STT3B: variants seen among roughly 807,000 people sequenced by gnomAD.
STT3B encodes STT3 oligosaccharyltransferase complex catalytic subunit B.
STT3B carries 29 observed loss-of-function variants against 96.8 expected under a neutral mutation model. The observed-to-expected ratio is 0.30, with a 90% CI of 0.22 to 0.41. The LOEUF (loss-of-function observed/expected upper bound fraction) is 0.41. Among genes scored for constraint, STT3B ranks in the 10% least tolerant of loss-of-function variants. The pLI, the probability that STT3B is intolerant of heterozygous loss-of-function variation, is 1.00. For synonymous variants in STT3B, 367 were observed against 360.0 expected, an observed-to-expected ratio of 1.02 and a Z score of -0.22; for missense variants, 640 against 1,022.3, an observed-to-expected ratio of 0.63 and a Z score of 5.10.
intron 5 of STT3B, among the ~76,000 whole-genome samples, chr3:31,611,170 AC>A (rs1390003076): frequency 6.6e-6 from 1 of 152,174 alleles, no homozygotes; most frequent in Non-Finnish European, 1.5e-5. Flanking sequence ...ACACTAGAGA[AC>A]AGTACCAGAC....
chr3:31,563,030 G>T (rs138456646), intron 1 of STT3B, among the ~76,000 whole-genome samples: 12 of 152,168 alleles, frequency 7.9e-5, no homozygotes, highest in African/African-American at 2.9e-4. Flanking sequence ...ACCTTAGGGG[G>T]TCTCTCACCC....
At chr3:31,615,710 G>A (rs11919366) in intron 6 of STT3B, among the ~76,000 whole-genome samples, 13,562 of 151,794 alleles carry the variant, frequency 0.089, 653 homozygotes, top group South Asian at 0.12. Context: ...ATGTAATTAC[G>A]CAGTCACCTG....
Position 31,586,740 on chromosome 3 carries a change from A to G in STT3B, c.711+6644A>G, listed in dbSNP as rs1370181041. Among the ~76,000 whole-genome samples the G allele has an allele frequency of 4.6e-5, 7 of 152,138 alleles. No individual in the cohort carries two copies. In the East Asian group the frequency reaches 9.6e-4, roughly 21 times the overall value. ...CTCTTCTGTTTATCTGTGTCTGTCT[A>G]TATAACAATACCTTATGTTGTTTTC... On this transcript the variant is annotated intron_variant, in intron 3 of 15. Coordinates refer to ENST00000295770, the MANE Select transcript of STT3B (RefSeq NM_178862.3).
At chr3:31,602,709 A>G (rs1045385320) in intron 5 of STT3B, among the ~76,000 whole-genome samples, 2 of 143,550 alleles carry the variant, frequency 1.4e-5, no homozygotes, top group African/African-American at 5.2e-5. Context: ...TATGAAATTC[A>G]TACTACTTTG....
At chr3:31,561,321 A>G (rs1392228244) in intron 1 of STT3B, among the ~76,000 whole-genome samples, 1 of 151,730 alleles carries the variant, frequency 6.6e-6, no homozygotes, top group Non-Finnish European at 1.5e-5. Flanking sequence ...ATGTATATTT[A>G]TGGGATACGT....
At chr3:31,562,184 C>T (rs1022213772) in intron 1 of STT3B, among the ~76,000 whole-genome samples, 2 of 152,088 alleles carry the variant, frequency 1.3e-5, no homozygotes. Context: ...TTCTCGAGCC[C>T]CTGGGCAGCA....
At chr3:31,550,177 G>A (rs2125439527) in intron 1 of STT3B, among the ~76,000 whole-genome samples, 1 of 152,316 alleles carries the variant, frequency 6.6e-6, no homozygotes, top group South Asian at 2.1e-4. Context: ...GAAATTAAGA[G>A]ATGGTACTAA....
chr3:31,560,360 AT>A (rs989631421), intron 1 of STT3B, among the ~76,000 whole-genome samples: 22 of 151,730 alleles, frequency 1.4e-4, no homozygotes, highest in African/African-American at 4.6e-4. Flanking sequence ...TGGTTTTTAT[AT>A]TTTTGTGTGT....
chr3:31,607,667 TA>T (rs756098912), intron 5 of STT3B, among the ~76,000 whole-genome samples: 2 of 152,220 alleles, frequency 1.3e-5, no homozygotes, highest in African/African-American at 2.4e-5. Context: ...TATAATTGAA[TA>T]AATGTATATA....
chr3:31,616,990 A>G lies in STT3B; in HGVS notation c.1038A>G (p.Lys346=). The G allele has an allele frequency of 6.2e-7, 1 of 1,612,156 alleles. No homozygotes were observed. The highest frequency in any genetic ancestry group is 8.5e-7 in the Non-Finnish European group (1 of 1,178,540). ...AGTATCTGAGAGACCGATTAACAAA[A>G]CAAGAGTTCCAGACCCTTTTCTTTT... ...FLQYLRDRLT[K]QEFQTLFFLG... The change falls in exon 7 of 16, where the codon AAA becomes AAG. Residue 346 remains lysine (K), a synonymous_variant. Coordinates refer to ENST00000295770, the MANE Select transcript of STT3B (RefSeq NM_178862.3).
At chr3:31,596,524 G>C (rs535080583) in intron 3 of STT3B, among the ~76,000 whole-genome samples, 5 of 152,090 alleles carry the variant, frequency 3.3e-5, no homozygotes, top group African/African-American at 1.2e-4. Context: ...AGACTTTGCA[G>C]AAAATGAGAA....
At chr3:31,631,478 CTTTT>C (rs1699664593) in intron 14 of STT3B, among the ~76,000 whole-genome samples, 1 of 152,162 alleles carries the variant, frequency 6.6e-6, no homozygotes, top group Non-Finnish European at 1.5e-5. Context: ...TTCTTCCTCT[CTTTT>C]AAGTTTATCA....
At chr3:31,570,198 AAAATT>A (rs1698104744) in intron 1 of STT3B, among the ~76,000 whole-genome samples, 1 of 152,218 alleles carries the variant, frequency 6.6e-6, no homozygotes, top group Admixed American at 6.5e-5. Context: ...ATAGAAGACA[AAAATT>A]AAAGTAAGTG....
At chr3:31,572,353 T>A (rs536009576) in intron 1 of STT3B, among the ~76,000 whole-genome samples, 44 of 151,308 alleles carry the variant, frequency 2.9e-4, no homozygotes, top group South Asian at 6.2e-4. Flanking sequence ...AAACTTTTTT[T>A]AAAAAATTTA....
At chr3:31,561,315 A>G (rs1423170092) in intron 1 of STT3B, among the ~76,000 whole-genome samples, 2 of 151,844 alleles carry the variant, frequency 1.3e-5, no homozygotes, top group Non-Finnish European at 2.9e-5. Context: ...ATAAGTATGT[A>G]TATTTATGGG....
chr3:31,569,365 A>G (rs1205088045), intron 1 of STT3B, among the ~76,000 whole-genome samples: 1 of 152,110 alleles, frequency 6.6e-6, no homozygotes, highest in Admixed American at 6.5e-5. Flanking sequence ...ATTTTTTTCC[A>G]TAAATTGAAT....
Position 31,596,821 on chromosome 3 carries a change from A to G in STT3B, c.735A>G (p.Ser245=), listed in dbSNP as rs1698803239. The change falls in exon 4 of 16, where the codon TCA becomes TCG. Residue 245 remains serine, a synonymous_variant. Transcript: ENST00000295770. ...YLWVKSVKTG[S]VFWTMCCCLS... is the part of the protein sequence containing the mutation. ...AGGTAAAATCTGTAAAAACTGGGTC[A>G]GTTTTTTGGACAATGTGCTGCTGCT... 3 of 1,612,520 alleles carry G rather than the reference A, an allele frequency of 1.9e-6. No individual in the cohort carries two copies. The South Asian group carries it at 3.3e-5, about 18-fold the overall frequency.
intron 3 of STT3B, among the ~76,000 whole-genome samples, chr3:31,591,182 A>G (rs1184173986): frequency 6.6e-6 from 1 of 152,032 alleles, no homozygotes; most frequent in South Asian, 2.1e-4. Flanking sequence ...TAAAATTTTT[A>G]CATTTTCCTG....
intron 3 of STT3B, among the ~76,000 whole-genome samples, chr3:31,580,940 A>G (rs1040293954): frequency 3.5e-5 from 5 of 143,058 alleles, no homozygotes; most frequent in African/African-American, 1.0e-4. Context: ...AGCTGAGGAG[A>G]AAAAAAAAAA....
Sources: gnomAD v4.1 joint callset for allele counts (sites outside exome capture counted in the v4.1 genomes callset) on GRCh38, gnomAD v4.1.1 for gene constraint, MANE v1.5 for transcripts, NCBI Gene and HGNC (gene_info 2026-07-23, HGNC 2026-07-21) for gene names.